Variants in CAV1 observed in about 807,000 individuals in gnomAD.
CAV1 encodes the protein caveolin-1.
In CAV1, 10 loss-of-function variants were observed where a neutral mutation model predicts 16.5. The observed-to-expected ratio is 0.61, with a 90% CI of 0.37 to 1.03. The LOEUF (loss-of-function observed/expected upper bound fraction) is 1.03, where lower values mean the gene tolerates loss of function less well. Ranked by LOEUF, CAV1 falls within the 50% of genes least tolerant of loss-of-function variation. The pLI is 0.01. For synonymous variants in CAV1, 76 were observed against 85.1 expected, an observed-to-expected ratio of 0.89 and a Z score of 0.59; for missense variants, 212 against 232.8, an observed-to-expected ratio of 0.91 and a Z score of 0.58.
intron 2 of CAV1, among the ~76,000 whole-genome samples, chr7:116,549,384 T>G (rs1047288134): frequency 1.3e-5 from 2 of 152,222 alleles, no homozygotes; most frequent in African/African-American, 4.8e-5. Context: ...TTGTTTTTCT[T>G]TAAAGGTGAA....
intron 2 of CAV1, among the ~76,000 whole-genome samples, chr7:116,549,472 A>G (rs1794115607): frequency 6.6e-6 from 1 of 152,178 alleles, no homozygotes. Context: ...ATCAACCTCC[A>G]TTTCATTTTG....
chr7:116,545,423 G>A (rs540682737), intron 2 of CAV1, among the ~76,000 whole-genome samples: 1 of 152,306 alleles, frequency 6.6e-6, no homozygotes, highest in African/African-American at 2.4e-5. Flanking sequence ...TGTATAATGG[G>A]CTGTAATTAT....
chr7:116,526,427 A>G, intron 1 of CAV1, 98 bp from the exon 2 acceptor site: 1 of 1,590,350 alleles, frequency 6.3e-7, no homozygotes, highest in South Asian at 1.1e-5. Flanking sequence ...CCCCGCCGCC[A>G]GGCTGACTTC....
intron 2 of CAV1, among the ~76,000 whole-genome samples, chr7:116,554,187 T>G (rs1794219061): frequency 6.6e-6 from 1 of 152,190 alleles, no homozygotes. Context: ...CTGAACTCCC[T>G]TAAATACAAA....
intron 2 of CAV1, among the ~76,000 whole-genome samples, chr7:116,527,379 G>A (rs1334298224): frequency 1.3e-5 from 2 of 152,204 alleles, no homozygotes; most frequent in Non-Finnish European, 2.9e-5. Context: ...GATGTGGAAA[G>A]CTGCTTCTTT....
chr7:116,529,202 GCT>G, intron 2 of CAV1, among the ~76,000 whole-genome samples: 1 of 152,242 alleles, frequency 6.6e-6, no homozygotes, highest in South Asian at 2.1e-4. Flanking sequence ...AAGCTTTACT[GCT>G]AATGCATGGT....
At chr7:116,539,296 T>C (rs1407567238) in intron 2 of CAV1, among the ~76,000 whole-genome samples, 1 of 152,244 alleles carries the variant, frequency 6.6e-6, no homozygotes, top group South Asian at 2.1e-4. Flanking sequence ...CTCCTCTCCC[T>C]TCCTTCTCAC....
chr7:116,545,175 A>T (rs895389920), intron 2 of CAV1, among the ~76,000 whole-genome samples: 1 of 152,148 alleles, frequency 6.6e-6, no homozygotes, highest in African/African-American at 2.4e-5. Context: ...GATATTTGGC[A>T]TTGTCTGGAG....
intron 2 of CAV1, among the ~76,000 whole-genome samples, chr7:116,528,339 CAT>C (rs1209526063): frequency 2.0e-5 from 3 of 152,132 alleles, no homozygotes; most frequent in Non-Finnish European, 4.4e-5. Context: ...GGAAAAAAAA[CAT>C]AACAGGCTTG....
chr7:116,549,929 G>T (rs933715893), intron 2 of CAV1, among the ~76,000 whole-genome samples: 4 of 152,186 alleles, frequency 2.6e-5, no homozygotes, highest in African/African-American at 9.7e-5. Flanking sequence ...GTCACTACAA[G>T]TGACCTTCCT....
At chr7:116,546,857 A>G (rs1315943861) in intron 2 of CAV1, among the ~76,000 whole-genome samples, 11 of 152,190 alleles carry the variant, frequency 7.2e-5, no homozygotes, top group Admixed American at 7.2e-4. Context: ...CTAAAGCTAC[A>G]GAAATTTCTT....
chr7:116,545,969 T>C (rs772326210), intron 2 of CAV1, among the ~76,000 whole-genome samples: 33 of 152,130 alleles, frequency 2.2e-4, no homozygotes, highest in Non-Finnish European at 4.1e-4. Context: ...TTAAACAAGG[T>C]AGGATTTTTC....
chr7:116,555,572 GAAA>G (rs1562838502), intron 2 of CAV1, among the ~76,000 whole-genome samples: 9 of 60,302 alleles, frequency 1.5e-4, no homozygotes, highest in African/African-American at 6.4e-4. Context: ...AAGAAAGAAA[GAAA>G]GAAAGAAAGA....
At chr7:116,542,036 A>G (rs569740305) in intron 2 of CAV1, among the ~76,000 whole-genome samples, 1 of 152,360 alleles carries the variant, frequency 6.6e-6, no homozygotes, top group Non-Finnish European at 1.5e-5. Context: ...GCAAAGAGGA[A>G]TTGATGTGGC....
chr7:116,553,214 T>G (rs969976723), intron 2 of CAV1, among the ~76,000 whole-genome samples: 2 of 152,162 alleles, frequency 1.3e-5, no homozygotes. Flanking sequence ...TAAACTGTTT[T>G]TCAAATATTG....
intron 2 of CAV1, among the ~76,000 whole-genome samples, chr7:116,546,697 C>CAAAAAAAAAAA (rs5886830): frequency 4.5e-5 from 4 of 88,398 alleles, no homozygotes; most frequent in South Asian, 7.5e-4. Context: ...GACTCTGTCA[C>CAAAAAAAAAAA]AAAAAAAAAA....
At chr7:116,543,124 A>C (rs578136168) in intron 2 of CAV1, among the ~76,000 whole-genome samples, 28 of 152,238 alleles carry the variant, frequency 1.8e-4, no homozygotes, top group African/African-American at 6.7e-4. Context: ...AGGCACTTAC[A>C]CTCTGGACTG....
intron 1 of CAV1, 132 bp downstream of exon 1, chr7:116,525,224 G>T: frequency 6.2e-7 from 1 of 1,612,290 alleles, no homozygotes; most frequent in South Asian, 1.1e-5. Flanking sequence ...CTCTGGCGTT[G>T]GCACCGCTGA....
chr7:116,540,795 G>A (rs151191626), intron 2 of CAV1, among the ~76,000 whole-genome samples: 299 of 152,238 alleles, frequency 2.0e-3, no homozygotes, highest in Non-Finnish European at 3.0e-3. Context: ...TGTTAAGTAG[G>A]CAACACATAG....
Sources: allele counts gnomAD v4.1 joint callset (sites outside exome capture counted in the v4.1 genomes callset), GRCh38; gene constraint gnomAD v4.1.1; transcripts MANE v1.5; gene names NCBI Gene and HGNC (gene_info 2026-07-23, HGNC 2026-07-21).